Variants in ARHGAP26 observed in about 807,000 individuals in gnomAD.
ARHGAP26 encodes rho GTPase-activating protein 26.
ARHGAP26 carries 38 observed loss-of-function variants against 104.8 expected under a neutral mutation model. The ratio of observed to expected loss-of-function variants is 0.36; its 90% CI spans 0.28 to 0.48. The LOEUF (loss-of-function observed/expected upper bound fraction) is 0.48. Among genes scored for constraint, ARHGAP26 ranks in the 20% least tolerant of loss-of-function variants. ARHGAP26 has a pLI of 0.99. For missense variants in ARHGAP26, 704 were observed against 947.9 expected, an observed-to-expected ratio of 0.74 and a Z score of 3.38; for synonymous variants, 341 against 340.0, an observed-to-expected ratio of 1.00 and a Z score of -0.03.
intron 6 of ARHGAP26, among the ~76,000 whole-genome samples, chr5:142,895,028 C>A (rs1244735531): frequency 6.6e-6 from 1 of 152,188 alleles, no homozygotes; most frequent in African/African-American, 2.4e-5. Flanking sequence ...TGCCACTCCA[C>A]TTTGCTGGGT....
At chr5:142,849,121 A>C (rs1160721743) in intron 1 of ARHGAP26, among the ~76,000 whole-genome samples, 3 of 152,224 alleles carry the variant, frequency 2.0e-5, no homozygotes. Flanking sequence ...GCCACAAACA[A>C]CACTTTAGAA....
rs151153991 is a variant in ARHGAP26, at chr5:143,207,291, C to T, written c.2082C>T (p.Ser694=). The T allele has an allele frequency of 5.4e-5, 87 of 1,614,010 alleles. No individual in the cohort carries two copies. Among genetic ancestry groups the T allele is most frequent in the South Asian group, 3.3e-4 (30 of 91,082 alleles). Residue 694 remains serine (S), a synonymous_variant, in exon 21 of 23, where the codon AGC becomes AGT. Transcript: ENST00000645722. ...CTATGCCCACCTCATCCACGTCCAG[C>T]GACTCATCCCCCGTCAGGTCTGTTG... The part of the protein sequence containing the change: ...SSPMPTSSTS[S]DSSPVSTPFR...
intron 11 of ARHGAP26, among the ~76,000 whole-genome samples, chr5:143,002,320 A>T (rs1439422036): frequency 4.6e-5 from 7 of 151,890 alleles, no homozygotes; most frequent in Non-Finnish European, 1.0e-4. Flanking sequence ...CTAAAGCACA[A>T]AAGAGCAAGG....
chr5:143,179,564 G>A (rs760494080), intron 20 of ARHGAP26, among the ~76,000 whole-genome samples: 1 of 152,210 alleles, frequency 6.6e-6, no homozygotes, highest in Non-Finnish European at 1.5e-5. Context: ...CCACACCTGG[G>A]GCTTGGCTCC....
At chr5:143,018,206 T>A (rs1411142779) in intron 12 of ARHGAP26, among the ~76,000 whole-genome samples, 1 of 152,228 alleles carries the variant, frequency 6.6e-6, no homozygotes, top group East Asian at 1.9e-4. Context: ...TCTTTTCTTT[T>A]TGATATGTAA....
At chr5:142,856,076 T>G (rs1752308376) in intron 1 of ARHGAP26, among the ~76,000 whole-genome samples, 1 of 152,258 alleles carries the variant, frequency 6.6e-6, no homozygotes, top group South Asian at 2.1e-4. Context: ...GTTCGCCATC[T>G]GTTTGCTCCT....
chr5:142,770,555 GGAACAGCAGCACC>G lies in ARHGAP26; in HGVS notation c.-206_-194del. On this transcript the variant is annotated 5_prime_UTR_variant, in exon 1 of 23. Coordinates refer to ENST00000645722, the MANE Select transcript of ARHGAP26 (RefSeq NM_001135608.3). Reference sequence around the variant, plus strand: ...GCGATCCGCTCCGTTGCCCGCGCCCGGAACAGCAGCACCTCGGCCGGGTCCGAGCTCGGTTCGG... The same window carrying G: ...GCGATCCGCTCCGTTGCCCGCGCCCGTCGGCCGGGTCCGAGCTCGGTTCGG... The G allele has an allele frequency of 4.6e-6, 1 of 218,086 alleles. No individual in the cohort carries two copies. Among genetic ancestry groups the G allele is most frequent in the Non-Finnish European group, 8.6e-6 (1 of 116,808 alleles). 13.5% of individuals were successfully genotyped at this position (218,086 alleles called of 1,614,324 possible).
At chr5:142,843,271 G>C (rs147734162) in intron 1 of ARHGAP26, among the ~76,000 whole-genome samples, 1 of 152,320 alleles carries the variant, frequency 6.6e-6, no homozygotes, top group African/African-American at 2.4e-5. Context: ...CAAGCATGCA[G>C]CTGAGGCAAA....
At chr5:143,038,577 C>T (rs565659186) in intron 13 of ARHGAP26, among the ~76,000 whole-genome samples, 1 of 150,938 alleles carries the variant, frequency 6.6e-6, no homozygotes, top group East Asian at 1.9e-4. Flanking sequence ...AAATCAGAAA[C>T]GGGCCAAATG....
intron 17 of ARHGAP26, among the ~76,000 whole-genome samples, chr5:143,098,999 A>G (rs1054128626): frequency 1.1e-4 from 16 of 152,214 alleles, no homozygotes; most frequent in African/African-American, 3.6e-4. Context: ...GCTTGTTTAT[A>G]TGTCCAATGA....
At chr5:142,902,932 A>G (rs1322225027) in intron 7 of ARHGAP26, among the ~76,000 whole-genome samples, 1 of 152,164 alleles carries the variant, frequency 6.6e-6, no homozygotes, top group Non-Finnish European at 1.5e-5. Context: ...CAGAGGGGGA[A>G]ATAGAGCTGT....
intron 6 of ARHGAP26, among the ~76,000 whole-genome samples, chr5:142,894,903 A>AT (rs561853055): frequency 1.3e-3 from 199 of 152,334 alleles, no homozygotes; most frequent in Non-Finnish European, 2.4e-3. Flanking sequence ...TGAGTGGACC[A>AT]TGATGGAATT....
intron 9 of ARHGAP26, among the ~76,000 whole-genome samples, chr5:142,909,141 C>G (rs1046614716): frequency 1.3e-5 from 2 of 152,156 alleles, no homozygotes; most frequent in South Asian, 2.1e-4. Flanking sequence ...CCTTCCCATT[C>G]TATTGTCTCC....
At chr5:142,888,964 C>T (rs756989468) in intron 5 of ARHGAP26, among the ~76,000 whole-genome samples, 2 of 152,236 alleles carry the variant, frequency 1.3e-5, no homozygotes, top group South Asian at 2.1e-4. Flanking sequence ...CTGTCTTGAG[C>T]GGTCTGCAGG....
chr5:142,953,174 C>T (rs153163), intron 11 of ARHGAP26, among the ~76,000 whole-genome samples: 36 of 152,158 alleles, frequency 2.4e-4, no homozygotes, highest in Non-Finnish European at 3.8e-4. Flanking sequence ...TTCCCACTAC[C>T]GCTCTCATTC....
intron 1 of ARHGAP26, among the ~76,000 whole-genome samples, chr5:142,804,193 C>CA (rs1286061667): frequency 2.1e-4 from 32 of 152,218 alleles, no homozygotes; most frequent in African/African-American, 6.5e-4. Context: ...TTTTGACCTA[C>CA]AAAAAACGAC....
intron 11 of ARHGAP26, among the ~76,000 whole-genome samples, chr5:142,994,974 A>G (rs113884211): frequency 2.6e-5 from 4 of 152,230 alleles, no homozygotes; most frequent in Non-Finnish European, 5.9e-5. Context: ...GGCTAGCCAT[A>G]TGGAGAAAAC....
intron 11 of ARHGAP26, among the ~76,000 whole-genome samples, chr5:142,988,507 CTTAG>C (rs1303390698): frequency 6.6e-6 from 1 of 152,016 alleles, no homozygotes; most frequent in East Asian, 1.9e-4. Flanking sequence ...CTGCTCTGAT[CTTAG>C]TTATTTCTTG....
chr5:142,785,365 G>C (rs1758367043), intron 1 of ARHGAP26, among the ~76,000 whole-genome samples: 1 of 152,242 alleles, frequency 6.6e-6, no homozygotes. Flanking sequence ...ACCTGGCACT[G>C]TTCTTGCTCT....
Sources: gnomAD v4.1 joint callset for allele counts (sites outside exome capture counted in the v4.1 genomes callset) on GRCh38, gnomAD v4.1.1 for gene constraint, MANE v1.5 for transcripts, NCBI Gene and HGNC (gene_info 2026-07-23, HGNC 2026-07-21) for gene names.